Variants in MYBPC3 observed in about 807,000 individuals in gnomAD.
MYBPC3 encodes the protein myosin-binding protein C, cardiac-type.
A neutral mutation model predicts 159.3 loss-of-function variants in MYBPC3; 108 were observed. The observed-to-expected ratio is 0.68, with a 90% CI of 0.58 to 0.80. The LOEUF (loss-of-function observed/expected upper bound fraction) is 0.80. MYBPC3 is among the 30% of genes least tolerant of loss of function. The probability of loss-of-function intolerance (pLI) is 0.00; values close to 1 mark genes in which losing one functional copy is unlikely to be tolerated. For missense variants in MYBPC3, 1,631 were observed against 1,762.1 expected (o/e 0.93, Z 1.33); for synonymous variants, 730 against 702.0 (o/e 1.04, Z -0.63).
At chr11:47,336,058 G>A in intron 25 of MYBPC3, 47 bp from the exon 26 acceptor site, 1 of 1,388,610 alleles carries the variant, frequency 7.2e-7, no homozygotes, top group Non-Finnish European at 9.4e-7. Flanking sequence ...GCCTGGGGAA[G>A]CTGGAGATCC....
intron 20 of MYBPC3, 75 bp from the exon 21 acceptor site, chr11:47,339,865 A>C: frequency 9.3e-6 from 14 of 1,512,644 alleles, no homozygotes; most frequent in Non-Finnish European, 1.1e-5. Context: ...GGGGCTGCTC[A>C]AGAGCCTGGG....
intron 14 of MYBPC3, 26 bp downstream of exon 14, chr11:47,343,234 C>T: frequency 6.4e-7 from 1 of 1,573,154 alleles, no homozygotes; most frequent in East Asian, 2.3e-5. Flanking sequence ...TGCCCCCCAC[C>T]CCAAGCCATC....
chr11:47,336,865 G>T (rs902600276), intron 25 of MYBPC3, among the ~76,000 whole-genome samples: 1 of 152,224 alleles, frequency 6.6e-6, no homozygotes, highest in African/African-American at 2.4e-5. Context: ...GCCCCCCGGG[G>T]ACCATGGAGC....
rs1595842535 is a variant in MYBPC3 at position 47,335,133 on chromosome 11, G to A, written c.2814C>T (p.Ala938=). ...GTGCCCGCACTCGGAAAAGCAGCCG[G>A]GCCCCCGTGGGCAGGTCCTTCACCA... The part of the protein sequence containing the change: ...SILVKDLPTG[A]RLLFRVRAHN... The change falls in exon 27 of 35, where the codon GCC becomes GCT. Residue 938 remains alanine (A), a synonymous_variant. Coordinates refer to ENST00000545968, the MANE Select transcript of MYBPC3 (RefSeq NM_000256.3). 6.2e-7 allele frequency: 1 copy of A among 1,612,650 alleles called. No individual in the cohort carries two copies. The highest frequency in any genetic ancestry group is 8.5e-7 in the Non-Finnish European group (1 of 1,179,276).
intron 8 of MYBPC3, 34 bp downstream of exon 8, chr11:47,347,617 C>A (rs575961176): frequency 1.0e-5 from 16 of 1,566,952 alleles, no homozygotes; most frequent in Non-Finnish European, 1.4e-5. Flanking sequence ...TGGGGGTCTG[C>A]GGATGGTGCA....
chr11:47,333,616 T>C lies in MYBPC3; in HGVS notation c.3131A>G (p.Gln1044Arg). The change falls in exon 29 of 35, where the codon CAG becomes CGG. Residue 1044 changes from glutamine to arginine, a missense_variant. By Grantham distance (43) the Gln-to-Arg change is conservative (BLOSUM62 1). Transcript: ENST00000545968. ...CATGTTCTCAATGCGCACCGTCACCTGGTAAGTGCCTGAATGCACGCGGCG... is the reference window on the plus strand; with the variant it reads ...CATGTTCTCAATGCGCACCGTCACCCGGTAAGTGCCTGAATGCACGCGGCG... The part of the protein sequence containing the change: ...AARRVHSGTY[Q>R]VTVRIENMED... The C allele has an allele frequency of 6.2e-7, 1 of 1,605,216 alleles. No homozygotes were observed. Among genetic ancestry groups the C allele is most frequent in the South Asian group, 1.1e-5 (1 of 91,092 alleles).
rs534366414 is a variant in MYBPC3 at position 47,335,132 on chromosome 11, G to A, written c.2815C>T (p.Arg939Trp). The A allele has an allele frequency of 2.9e-5, 47 of 1,612,428 alleles. No homozygotes were observed. The highest frequency in any genetic ancestry group is 5.0e-5 in the Admixed American group (3 of 59,934). ...TGTGCCCGCACTCGGAAAAGCAGCC[G>A]GGCCCCCGTGGGCAGGTCCTTCACC... Reference protein sequence around the residue: ...ILVKDLPTGARLLFRVRAHNM... With the variant: ...ILVKDLPTGAWLLFRVRAHNM... The change falls in exon 27 of 35, where the codon CGG (arginine) becomes TGG (tryptophan). Residue 939 changes from arginine (R) to tryptophan (W), a missense_variant. Coordinates refer to ENST00000545968, the MANE Select transcript of MYBPC3 (RefSeq NM_000256.3).
At position 47,335,165 on chromosome 11, in the gene MYBPC3, ATG is replaced by A. The variant is rs727504265; in HGVS notation, c.2780_2781del (p.Thr927IlefsTer123). On this transcript the variant is annotated frameshift_variant, in exon 27 of 35. Coordinates refer to ENST00000545968, the MANE Select transcript of MYBPC3 (RefSeq NM_000256.3). LOFTEE classifies it high-confidence loss of function. The stretch of plus-strand genomic sequence containing the variant: ...GTGGGCAGGTCCTTCACCAGTATCG[ATG>A]TGTGCTCTGTCAGCCCCTGCAGGGC... The part of the protein sequence containing the change: ...VAALQGLTEH[T>X]SILVKDLPTG... 2.5e-6 allele frequency: 4 copies of A among 1,612,168 alleles called. No individual in the cohort carries two copies. Among genetic ancestry groups the A allele is most frequent in the Non-Finnish European group, 3.4e-6 (4 of 1,179,088 alleles).
At chr11:47,341,684 C>T (rs951798566) in intron 18 of MYBPC3, among the ~76,000 whole-genome samples, 1 of 150,072 alleles carries the variant, frequency 6.7e-6, no homozygotes, top group African/African-American at 2.5e-5. Flanking sequence ...GTCCGTGTCT[C>T]TCCCTGCTGC....
intron 21 of MYBPC3, 48 bp from the exon 22 acceptor site, chr11:47,339,452 C>T (rs1472133985): frequency 6.3e-7 from 1 of 1,584,894 alleles, no homozygotes; most frequent in Non-Finnish European, 8.7e-7. Context: ...GCTGACTCAG[C>T]CTGGAAGCGC....
Position 47,341,984 on chromosome 11 carries a change from C to A in MYBPC3, c.1790+7G>T. On this transcript the variant is annotated splice_region_variant and intron_variant, in intron 18 of 34. Transcript: ENST00000545968. The stretch of plus-strand genomic sequence containing the variant: ...ACCTGTCCCATCCACCTGCCCTGCA[C>A]ACTCACCGCCCGATGTGGGACACCT... The A allele has an allele frequency of 6.4e-7, 1 of 1,555,710 alleles. No homozygotes were observed. Among genetic ancestry groups the A allele is most frequent in the Non-Finnish European group, 8.7e-7 (1 of 1,148,882 alleles).
Position 47,332,111 on chromosome 11 carries a change from G to T in MYBPC3, c.3775C>A (p.Gln1259Lys). ...GIYVCRATNL[Q>K]GEARCECRLE... ...CGGCACTCACACCGTGCCTCGCCCTGTAAGTTGGTGGCCCTGCAGACATAG... is the reference window on the plus strand; with the variant it reads ...CGGCACTCACACCGTGCCTCGCCCTTTAAGTTGGTGGCCCTGCAGACATAG... Residue 1259 changes from glutamine (Q) to lysine (K), a missense_variant, in exon 33 of 35, where the codon CAG (glutamine) becomes AAG (lysine). Transcript: ENST00000545968. This position sits in a 1 kb window ranked among gnomAD's most constrained non-coding sequence, Gnocchi z 4.2. 1 of 1,613,476 alleles carries T rather than the reference G, an allele frequency of 6.2e-7. No individual in the cohort carries two copies. The highest frequency in any genetic ancestry group is 8.5e-7 in the Non-Finnish European group (1 of 1,179,770).
At position 47,351,569 on chromosome 11, in the gene MYBPC3, C is replaced by T; in HGVS notation, c.26-64G>A. The T allele has an allele frequency of 6.8e-7, 1 of 1,479,404 alleles. No homozygotes were observed. The highest frequency in any genetic ancestry group is 9.0e-7 in the Non-Finnish European group (1 of 1,108,500). 91.6% of individuals were successfully genotyped at this position (1,479,404 alleles called of 1,614,324 possible). On this transcript the variant is annotated intron_variant, in intron 1 of 34. Coordinates refer to ENST00000545968, the MANE Select transcript of MYBPC3 (RefSeq NM_000256.3). This position sits in a 1 kb window ranked among gnomAD's most constrained non-coding sequence, Gnocchi z 4.2. ...GAGCGTGCACCCCGCCCCTGCAGCC[C>T]CTCTCAGTAAATACTGTGCTAGCAC...
Position 47,343,566 on chromosome 11 carries a change from C to A in MYBPC3, c.1149G>T (p.Leu383=), listed in dbSNP as rs1407534196. The A allele has an allele frequency of 1.9e-6, 3 of 1,612,638 alleles. No individual in the cohort carries two copies. The highest frequency in any genetic ancestry group is 2.7e-5 in the African/African-American group (2 of 74,844). ...YQVSKGHKIR[L]TVELADHDAE... ...CGTCATGGTCAGCCAGTTCCACGGT[C>A]AGCCGGATCTTGTGGCCTTTGCTCA... The change falls in exon 13 of 35, where the codon CTG becomes CTT. Residue 383 remains leucine, a synonymous_variant. Transcript: ENST00000545968.
In MYBPC3 at chr11:47,333,262, G is replaced by A. The variant is rs1263358939; in HGVS notation, c.3262C>T (p.Pro1088Ser). The A allele has an allele frequency of 1.9e-6, 3 of 1,587,550 alleles. No homozygotes were observed. The highest frequency in any genetic ancestry group is 2.6e-6 in the Non-Finnish European group (3 of 1,166,564). The change falls in exon 30 of 35, where the codon CCA (proline) becomes TCA (serine). Residue 1088 changes from proline (P) to serine (S), a missense_variant. Coordinates refer to ENST00000545968, the MANE Select transcript of MYBPC3 (RefSeq NM_000256.3). ...WGLNVALEWK[P>S]PQDVGNTELW... Reference sequence around the variant, plus strand: ...TCCGTGTTGCCGACATCCTGGGGTGGCTTCCACTCCAGAGCCACATTAAGA... The same window carrying A: ...TCCGTGTTGCCGACATCCTGGGGTGACTTCCACTCCAGAGCCACATTAAGA...
Position 47,334,344 on chromosome 11 carries a change from G to A in MYBPC3, c.2906-334C>T, listed in dbSNP as rs1028943581. 5.3e-5 allele frequency among the ~76,000 whole-genome samples: 8 copies of A among 152,322 alleles called. No homozygotes were observed. The East Asian group carries it at 5.8e-4, about 11-fold the overall frequency. ...TGTTACCACCTGAGTTTGCTGCCTCGTTCCAGCTTTGAGAACCAATCCTTA... is the reference window on the plus strand; with the variant it reads ...TGTTACCACCTGAGTTTGCTGCCTCATTCCAGCTTTGAGAACCAATCCTTA... On this transcript the variant is annotated intron_variant, in intron 27 of 34. Transcript: ENST00000545968.
rs761896043 is a variant in MYBPC3, at chr11:47,342,757, G to A, written c.1458-13C>T. The A allele has an allele frequency of 1.2e-6, 2 of 1,613,668 alleles. No homozygotes were observed. On this transcript the variant is annotated splice_polypyrimidine_tract_variant and intron_variant, in intron 16 of 34. Transcript: ENST00000545968. ...CCCGTCCTTCAGCCTAGCCGGGTGG[G>A]TGGGTGGCAAGTGCTGTGGCCTCTT...
At position 47,339,367 on chromosome 11, in the gene MYBPC3, G is replaced by A. The variant is rs1389133650; in HGVS notation, c.2105C>T (p.Pro702Leu). 3.1e-6 allele frequency: 5 copies of A among 1,613,906 alleles called. No individual in the cohort carries two copies. The highest frequency in any genetic ancestry group is 2.2e-5 in the South Asian group (2 of 91,088). ...CTCATCGCTGTCACCTGTGTCCTCT[G>A]GGGCATCTGGGGCTGGCCTGGCTGG... Reference protein sequence around the residue: ...KAPARPAPDAPEDTGDSDEWV... With the variant: ...KAPARPAPDALEDTGDSDEWV... Residue 702 changes from proline (P) to leucine (L), a missense_variant, in exon 22 of 35, where the codon CCA (proline) becomes CTA (leucine). Coordinates refer to ENST00000545968, the MANE Select transcript of MYBPC3 (RefSeq NM_000256.3).
chr11:47,332,491 G>A lies in MYBPC3; in HGVS notation c.3627+75C>T, dbSNP rs941244661. The A allele has an allele frequency of 1.0e-5, 16 of 1,553,560 alleles. No homozygotes were observed. Among genetic ancestry groups the A allele is most frequent in the Non-Finnish European group, 1.4e-5 (16 of 1,147,964 alleles). On this transcript the variant is annotated intron_variant, in intron 32 of 34. Coordinates refer to ENST00000545968, the MANE Select transcript of MYBPC3 (RefSeq NM_000256.3). This position sits in a 1 kb window ranked among gnomAD's most constrained non-coding sequence, Gnocchi z 4.2. ...GAGAAAGCAGGGGAGACAGGCTGGG[G>A]AGAGGACTGCTCAACGTCGGGGCCT... is the stretch of plus-strand genomic sequence containing the variant.
Sources: allele counts gnomAD v4.1 joint callset (sites outside exome capture counted in the v4.1 genomes callset), GRCh38; gene constraint gnomAD v4.1.1; non-coding constraint Gnocchi (gnomAD v3.1); transcripts MANE v1.5; gene names NCBI Gene and HGNC (gene_info 2026-07-23, HGNC 2026-07-21).